Variants in SIPA1L1 observed in about 807,000 individuals in gnomAD.
SIPA1L1 encodes signal-induced proliferation-associated 1-like protein 1.
A neutral mutation model predicts 162.7 loss-of-function variants in SIPA1L1; 26 were observed. The ratio of observed to expected loss-of-function variants is 0.16; its 90% confidence interval spans 0.12 to 0.22. The LOEUF is 0.22. Ranked by LOEUF, SIPA1L1 falls within the 10% of genes least tolerant of loss-of-function variation. SIPA1L1 has a pLI of 1.00. For synonymous variants in SIPA1L1, 829 were observed against 837.4 expected (o/e 0.99, Z 0.17); for missense variants, 1,874 against 2,241.0 (o/e 0.84, Z 3.31).
At chr14:71,344,880 T>G (rs2036004072) in intron 2 of SIPA1L1, among the ~76,000 whole-genome samples, 1 of 152,076 alleles carries the variant, frequency 6.6e-6, no homozygotes, top group African/African-American at 2.4e-5. Flanking sequence ...CTTTTCAATT[T>G]TTTCTAGTGT....
At chr14:71,619,457 A>G (rs747804429) in intron 6 of SIPA1L1, among the ~76,000 whole-genome samples, 1 of 152,172 alleles carries the variant, frequency 6.6e-6, no homozygotes, top group Non-Finnish European at 1.5e-5. Context: ...TTAGGAATCT[A>G]AATATACACA....
At chr14:71,450,282 A>G (rs777683614) in intron 2 of SIPA1L1, among the ~76,000 whole-genome samples, 25 of 152,168 alleles carry the variant, frequency 1.6e-4, no homozygotes, top group Non-Finnish European at 3.4e-4. Context: ...TCACCCTTGT[A>G]CTGATACAGT....
intron 6 of SIPA1L1, among the ~76,000 whole-genome samples, chr14:71,623,139 T>A (rs1177930989): frequency 2.6e-5 from 4 of 152,206 alleles, no homozygotes; most frequent in Non-Finnish European, 5.9e-5. Flanking sequence ...GACCTTGTTA[T>A]ACTTTGTTGG....
intron 16 of SIPA1L1, among the ~76,000 whole-genome samples, chr14:71,707,365 C>T (rs2082528616): frequency 6.6e-6 from 1 of 151,892 alleles, no homozygotes; most frequent in Non-Finnish European, 1.5e-5. Context: ...TAGTATTTAC[C>T]CATTTAAAAT....
chr14:71,340,057 TTA>T (rs766899692), intron 2 of SIPA1L1, among the ~76,000 whole-genome samples: 11 of 152,248 alleles, frequency 7.2e-5, no homozygotes, highest in Non-Finnish European at 1.2e-4. Context: ...GCCTGTCTGC[TTA>T]TAATAGGTAG....
At chr14:71,489,424 A>C (rs14030) in intron 2 of SIPA1L1, among the ~76,000 whole-genome samples, 31,546 of 152,190 alleles carry the variant, frequency 0.21, 3,512 homozygotes, top group Middle Eastern at 0.37. Flanking sequence ...AGAATTGAGT[A>C]TGGTTTCTCT....
chr14:71,324,488 A>T (rs1302464956), intron 2 of SIPA1L1, among the ~76,000 whole-genome samples: 1 of 152,188 alleles, frequency 6.6e-6, no homozygotes, highest in South Asian at 2.1e-4. Context: ...AAATGAGGAG[A>T]TGCAAAACTT....
At chr14:71,475,738 C>CA in intron 2 of SIPA1L1, among the ~76,000 whole-genome samples, 1 of 152,116 alleles carries the variant, frequency 6.6e-6, no homozygotes, top group East Asian at 1.9e-4. Context: ...GTACATAGGA[C>CA]ACAGCTGAAA....
At chr14:71,357,704 G>A (rs2037407313) in intron 2 of SIPA1L1, among the ~76,000 whole-genome samples, 1 of 152,140 alleles carries the variant, frequency 6.6e-6, no homozygotes, top group Non-Finnish European at 1.5e-5. Flanking sequence ...TGGTACTGTA[G>A]GCATGAGCCA....
At chr14:71,446,975 G>C (rs566925663) in intron 2 of SIPA1L1, among the ~76,000 whole-genome samples, 66 of 122,408 alleles carry the variant, frequency 5.4e-4, no homozygotes, top group African/African-American at 1.9e-3. Context: ...GCAGTGGCAT[G>C]ATCATGGCTC....
At chr14:71,611,868 G>A (rs1215331516) in intron 5 of SIPA1L1, among the ~76,000 whole-genome samples, 4 of 152,116 alleles carry the variant, frequency 2.6e-5, no homozygotes, top group Non-Finnish European at 5.9e-5. Context: ...AAACATATGT[G>A]TGCATGTGTA....
intron 4 of SIPA1L1, among the ~76,000 whole-genome samples, chr14:71,568,481 C>T (rs1165016644): frequency 1.3e-5 from 2 of 152,110 alleles, no homozygotes; most frequent in Non-Finnish European, 2.9e-5. Context: ...ATTGGTGTTG[C>T]ACTGTTTCCT....
intron 4 of SIPA1L1, among the ~76,000 whole-genome samples, chr14:71,560,929 A>G (rs573862742): frequency 6.6e-6 from 1 of 152,290 alleles, no homozygotes; most frequent in African/African-American, 2.4e-5. Flanking sequence ...GATGATTTAG[A>G]TATTAGGATA....
At chr14:71,700,994 CAAAAAAAAAAAAAAAAAAAAA>C (rs539293669) in intron 14 of SIPA1L1, among the ~76,000 whole-genome samples, 22 of 51,736 alleles carry the variant, frequency 4.3e-4, no homozygotes, top group Non-Finnish European at 6.7e-4. Flanking sequence ...GACTCCGTCT[CAAAAAAAAAAAAAAAAAAAAA>C]AAAAAAAAAA....
intron 5 of SIPA1L1, among the ~76,000 whole-genome samples, 193 bp downstream of exon 5, chr14:71,589,563 G>A (rs961284998): frequency 2.0e-5 from 3 of 152,054 alleles, no homozygotes; most frequent in Non-Finnish European, 2.9e-5. Context: ...TCTCCTTTCA[G>A]ATATATAAAT....
At position 71,671,311 on chromosome 14, in the gene SIPA1L1, G is replaced by C; in HGVS notation, c.2448G>C (p.Leu816=). ...TRTRQEYLKD[L]AEKNVTNTPI... ...CCCGCCAGGAATACCTGAAAGATCT[G>C]GCAGAAAAGAATGTCACCAACACCC... is the stretch of plus-strand genomic sequence containing the variant. The change falls in exon 11 of 24, where the codon CTG becomes CTC. Residue 816 remains leucine (L), a synonymous_variant. Transcript: ENST00000381232. 1 of 1,614,182 alleles carries C rather than the reference G, an allele frequency of 6.2e-7. No homozygotes were observed. Among genetic ancestry groups the C allele is most frequent in the South Asian group, 1.1e-5 (1 of 91,088 alleles).
intron 2 of SIPA1L1, among the ~76,000 whole-genome samples, chr14:71,451,150 CAG>C (rs1228265983): frequency 6.6e-6 from 1 of 151,718 alleles, no homozygotes; most frequent in African/African-American, 2.4e-5. Context: ...TAAGCAGATA[CAG>C]AAAGACTGCA....
rs368841875 is a variant in SIPA1L1, at chr14:71,623,424, G to A, written c.1630-624G>A. Among the ~76,000 whole-genome samples, 30 of 152,268 alleles carry A rather than the reference G, an allele frequency of 2.0e-4. 1 individual carries two copies. In the East Asian group the frequency reaches 4.6e-3, roughly 24 times the overall value. On this transcript the variant is annotated intron_variant, in intron 6 of 23. Transcript: ENST00000381232. ...CATCATTACGTAGGAAAATGTCTTT[G>A]CTTAAGGTATTAATGGAGGGTATTT...
intron 4 of SIPA1L1, among the ~76,000 whole-genome samples, chr14:71,544,487 A>G (rs1268377872): frequency 6.6e-6 from 1 of 151,950 alleles, no homozygotes; most frequent in African/African-American, 2.4e-5. Flanking sequence ...AAATTTCTTG[A>G]GTTTTTTTCA....
Sources: allele counts gnomAD v4.1 joint callset (sites outside exome capture counted in the v4.1 genomes callset), GRCh38; gene constraint gnomAD v4.1.1; transcripts MANE v1.5; gene names NCBI Gene and HGNC (gene_info 2026-07-23, HGNC 2026-07-21).